The following MAPRE1 variants were observed in gnomAD, a reference collection of about 807,000 sequenced individuals.
MAPRE1 encodes the protein microtubule associated protein RP/EB family member 1.
Under a neutral mutation model 32.1 loss-of-function variants are expected in MAPRE1, and 5 were observed. The ratio of observed to expected loss-of-function variants is 0.16; its 90% CI spans 0.08 to 0.33. The LOEUF (loss-of-function observed/expected upper bound fraction) is 0.33, where lower values mean the gene tolerates loss of function less well. MAPRE1 is among the 10% of genes least tolerant of loss of function. The pLI is 1.00. For synonymous variants in MAPRE1, 122 were observed against 118.9 expected, an observed-to-expected ratio of 1.03 and a Z score of -0.17; for missense variants, 209 against 327.2, an observed-to-expected ratio of 0.64 and a Z score of 2.79.
chr20:32,843,849 GTTTTTTT>G (rs58476543), intron 5 of MAPRE1, among the ~76,000 whole-genome samples: 1 of 143,082 alleles, frequency 7.0e-6, no homozygotes, highest in Non-Finnish European at 1.5e-5. Context: ...CTAGCTACAG[GTTTTTTT>G]TTTTTTTTTC....
At chr20:32,837,338 C>T (rs1169481142) in intron 4 of MAPRE1, among the ~76,000 whole-genome samples, 1 of 152,158 alleles carries the variant, frequency 6.6e-6, no homozygotes, top group Non-Finnish European at 1.5e-5. Flanking sequence ...TGTGTATACT[C>T]ACAGCTTCCC....
At chr20:32,823,252 C>CT (rs1411945884) in intron 1 of MAPRE1, among the ~76,000 whole-genome samples, 1 of 152,184 alleles carries the variant, frequency 6.6e-6, no homozygotes, top group Non-Finnish European at 1.5e-5. Context: ...CTTGCAGCAG[C>CT]TTAGTGCAGG....
chr20:32,826,063 C>G lies in MAPRE1; in HGVS notation c.121+15C>G, dbSNP rs1180899899. ...GTTGTGCTCAGGTAAGAGAAATCTG[C>G]TGGATCATTTTTCTAGGAAAGCCTG... On this transcript the variant is annotated intron_variant, in intron 2 of 6. Transcript: ENST00000375571. The G allele has an allele frequency of 6.4e-7, 1 of 1,572,256 alleles. No individual in the cohort carries two copies. The highest frequency in any genetic ancestry group is 1.1e-5 in the South Asian group (1 of 87,898).
At chr20:32,835,968 C>T (rs939429523) in intron 3 of MAPRE1, among the ~76,000 whole-genome samples, 2 of 151,214 alleles carry the variant, frequency 1.3e-5, no homozygotes, top group Non-Finnish European at 3.0e-5. Flanking sequence ...ATGGATTTTT[C>T]TTCCCTTTTC....
chr20:32,834,301 C>A (rs990667183), intron 3 of MAPRE1, among the ~76,000 whole-genome samples: 1 of 152,072 alleles, frequency 6.6e-6, no homozygotes, highest in Non-Finnish European at 1.5e-5. Flanking sequence ...GGAGAAGATT[C>A]TAGAAATACT....
intron 6 of MAPRE1, among the ~76,000 whole-genome samples, chr20:32,848,255 G>A (rs529637563): frequency 6.6e-6 from 1 of 152,094 alleles, no homozygotes; most frequent in South Asian, 2.1e-4. Context: ...TGTTACCCAG[G>A]CTGGTCTTGA....
intron 2 of MAPRE1, among the ~76,000 whole-genome samples, chr20:32,827,593 T>C (rs554333964): frequency 2.6e-4 from 39 of 151,772 alleles, no homozygotes; most frequent in Non-Finnish European, 5.4e-4. Flanking sequence ...CCTGGATCGA[T>C]CTTAAATTAC....
intron 1 of MAPRE1, among the ~76,000 whole-genome samples, chr20:32,820,767 T>C (rs1982675155): frequency 6.6e-6 from 1 of 152,150 alleles, no homozygotes; most frequent in Non-Finnish European, 1.5e-5. Flanking sequence ...CAGTCCCTAC[T>C]TCACAGTTGC....
At chr20:32,844,257 T>C (rs909183263) in intron 5 of MAPRE1, among the ~76,000 whole-genome samples, 23 of 152,128 alleles carry the variant, frequency 1.5e-4, no homozygotes, top group Non-Finnish European at 2.6e-4. Flanking sequence ...GTGTTTGTTA[T>C]GTGTGTATAG....
At chr20:32,837,001 G>C (rs185681038) in intron 4 of MAPRE1, among the ~76,000 whole-genome samples, 160 bp downstream of exon 4, 28 of 152,302 alleles carry the variant, frequency 1.8e-4, no homozygotes, top group Non-Finnish European at 3.5e-4. Context: ...GGCAGATAAC[G>C]GTGTGTGTCC....
intron 5 of MAPRE1, among the ~76,000 whole-genome samples, chr20:32,845,230 C>A (rs1335633290): frequency 6.6e-6 from 1 of 152,042 alleles, no homozygotes; most frequent in Non-Finnish European, 1.5e-5. Context: ...TTTGTAGAGA[C>A]AGGTTTTGCC....
chr20:32,820,782 G>C (rs1982675795), intron 1 of MAPRE1, among the ~76,000 whole-genome samples: 1 of 152,112 alleles, frequency 6.6e-6, no homozygotes, highest in African/African-American at 2.4e-5. Context: ...AGTTGCCCTC[G>C]GATGCTGCAG....
chr20:32,839,697 A>C, intron 4 of MAPRE1, 38 bp from the exon 5 acceptor site: 1 of 1,610,822 alleles, frequency 6.2e-7, no homozygotes, highest in Non-Finnish European at 8.5e-7. Context: ...TTTGGGCTGG[A>C]ATTACTCCTT....
Position 32,829,651 on chromosome 20 carries a change from A to G in MAPRE1, c.121+3603A>G, listed in dbSNP as rs137950347. On this transcript the variant is annotated intron_variant, in intron 2 of 6. Coordinates refer to ENST00000375571, the MANE Select transcript of MAPRE1 (RefSeq NM_012325.3). ...AGTTCTCCACTAAACACAGCTTTAC[A>G]AAGTAGGAATACATTTCTTCCTTGA... Among the ~76,000 whole-genome samples the G allele has an allele frequency of 5.6e-4, 86 of 152,342 alleles. No individual in the cohort carries two copies. The East Asian group carries it at 0.014, about 25-fold the overall frequency.
chr20:32,844,674 A>G (rs1353022911), intron 5 of MAPRE1, among the ~76,000 whole-genome samples: 1 of 151,664 alleles, frequency 6.6e-6, no homozygotes, highest in East Asian at 1.9e-4. Context: ...GGCCTCCCAA[A>G]GTGCTGGGAT....
At chr20:32,836,597 C>T (rs1452603675) in intron 3 of MAPRE1, 37 bp from the exon 4 acceptor site, 1 of 1,281,620 alleles carries the variant, frequency 7.8e-7, no homozygotes, top group African/African-American at 1.5e-5. Flanking sequence ...TGCCAAAAGC[C>T]TCTTTTTTGG....
intron 2 of MAPRE1, among the ~76,000 whole-genome samples, chr20:32,832,875 T>C (rs1033431455): frequency 6.8e-5 from 9 of 132,268 alleles, no homozygotes; most frequent in African/African-American, 2.4e-4. Flanking sequence ...ACTCAGGAAG[T>C]AGAGGTTGCG....
At chr20:32,847,882 G>A (rs976812027) in intron 6 of MAPRE1, among the ~76,000 whole-genome samples, 9 of 152,182 alleles carry the variant, frequency 5.9e-5, no homozygotes, top group African/African-American at 2.2e-4. Flanking sequence ...TTCTGCCACT[G>A]ATGTTGGGTC....
At chr20:32,841,391 T>C (rs1402687462) in intron 5 of MAPRE1, among the ~76,000 whole-genome samples, 1 of 151,716 alleles carries the variant, frequency 6.6e-6, no homozygotes, top group Non-Finnish European at 1.5e-5. Context: ...TAGCAGCGAC[T>C]TGATCTGTGC....
Sources: allele counts gnomAD v4.1 joint callset (sites outside exome capture counted in the v4.1 genomes callset), GRCh38; gene constraint gnomAD v4.1.1; transcripts MANE v1.5; gene names NCBI Gene and HGNC (gene_info 2026-07-23, HGNC 2026-07-21).